PGCKA1: variants seen among roughly 807,000 people sequenced by gnomAD.
PGCKA1 encodes PDCD10 and GCKIII kinases associated 1.
At chr4:37,565,258 G>A in the PGCKA1 span, among the ~76,000 whole-genome samples, 4 of 152,270 alleles carry the variant, frequency 2.6e-5, no homozygotes, top group Middle Eastern at 3.4e-3. Context: ...GATATTCTGA[G>A]TTAATTTTAT....
chr4:37,566,467 G>C, the PGCKA1 span, among the ~76,000 whole-genome samples: 2 of 152,058 alleles, frequency 1.3e-5, no homozygotes, highest in African/African-American at 4.8e-5. Context: ...TTTCAGAAGA[G>C]ATAAGGTTTC....
the PGCKA1 span, among the ~76,000 whole-genome samples, chr4:37,460,098 G>A: frequency 6.6e-6 from 1 of 151,988 alleles, no homozygotes; most frequent in Admixed American, 6.6e-5. Context: ...TTGGTTTTCT[G>A]CTCCTGTGTT....
the PGCKA1 span, among the ~76,000 whole-genome samples, chr4:37,463,133 A>G: frequency 6.6e-6 from 1 of 152,242 alleles, no homozygotes; most frequent in South Asian, 2.1e-4. Context: ...GCTGGGACCC[A>G]TGTCTATAAC....
the PGCKA1 span, among the ~76,000 whole-genome samples, chr4:37,572,063 CTTT>C: frequency 1.1e-5 from 1 of 89,972 alleles, no homozygotes. Flanking sequence ...TTTTTTTTTT[CTTT>C]TTTTTTTTTT....
At chr4:37,458,195 A>G in the PGCKA1 span, among the ~76,000 whole-genome samples, 2 of 152,106 alleles carry the variant, frequency 1.3e-5, no homozygotes, top group African/African-American at 4.8e-5. Context: ...CATTGGAAAA[A>G]CTGCTGGGAC....
At chr4:37,546,311 G>A in the PGCKA1 span, among the ~76,000 whole-genome samples, 4 of 152,152 alleles carry the variant, frequency 2.6e-5, no homozygotes, top group African/African-American at 9.7e-5. Flanking sequence ...CTAAAACCAG[G>A]ACTGGGCCTG....
At chr4:37,494,158 G>A in the PGCKA1 span, among the ~76,000 whole-genome samples, 1 of 152,100 alleles carries the variant, frequency 6.6e-6, no homozygotes, top group African/African-American at 2.4e-5. Flanking sequence ...TTTATTTTAA[G>A]TACATGTAGA....
At chr4:37,572,945 C>CAA in the PGCKA1 span, among the ~76,000 whole-genome samples, 1 of 152,162 alleles carries the variant, frequency 6.6e-6, no homozygotes, top group Non-Finnish European at 1.5e-5. Context: ...TTCCTAAAAA[C>CAA]AAGGGCATTC....
the PGCKA1 span, among the ~76,000 whole-genome samples, chr4:37,549,961 C>T: frequency 6.6e-6 from 1 of 152,154 alleles, no homozygotes; most frequent in African/African-American, 2.4e-5. Context: ...GTAAGGACTT[C>T]AACTGACCTT....
chr4:37,567,620 T>C, the PGCKA1 span, among the ~76,000 whole-genome samples: 1 of 152,112 alleles, frequency 6.6e-6, no homozygotes, highest in Admixed American at 6.5e-5. Context: ...TGAATGTTCG[T>C]CTAAATGCCA....
the PGCKA1 span, among the ~76,000 whole-genome samples, chr4:37,479,923 A>G: frequency 6.6e-6 from 1 of 152,266 alleles, no homozygotes; most frequent in African/African-American, 2.4e-5. Context: ...TTTGCAGTAG[A>G]CTAAGCAAGA....
At chr4:37,463,338 C>T in the PGCKA1 span, among the ~76,000 whole-genome samples, 1 of 152,156 alleles carries the variant, frequency 6.6e-6, no homozygotes, top group Non-Finnish European at 1.5e-5. Flanking sequence ...TAGTCATTTC[C>T]AAAGAGAATA....
At chr4:37,527,751 A>G in the PGCKA1 span, among the ~76,000 whole-genome samples, 70 of 151,440 alleles carry the variant, frequency 4.6e-4, no homozygotes, top group Admixed American at 1.6e-3. Context: ...AATGGCAGGA[A>G]CCCAGGAGGC....
the PGCKA1 span, among the ~76,000 whole-genome samples, chr4:37,529,782 A>G: frequency 6.6e-6 from 1 of 152,142 alleles, no homozygotes; most frequent in Non-Finnish European, 1.5e-5. Flanking sequence ...GTTGATTTAA[A>G]AGGATGGAAG....
At chr4:37,571,840 C>A in the PGCKA1 span, among the ~76,000 whole-genome samples, 1 of 152,008 alleles carries the variant, frequency 6.6e-6, no homozygotes, top group Non-Finnish European at 1.5e-5. Flanking sequence ...CCATGTTGGC[C>A]AGACTGGTCT....
the PGCKA1 span, among the ~76,000 whole-genome samples, chr4:37,557,636 G>C: frequency 6.6e-6 from 1 of 152,202 alleles, no homozygotes; most frequent in South Asian, 2.1e-4. Flanking sequence ...ACTGGGGATT[G>C]GTTTCAACAT....
At chr4:37,584,054 T>G in the PGCKA1 span, among the ~76,000 whole-genome samples, 1 of 152,232 alleles carries the variant, frequency 6.6e-6, no homozygotes, top group East Asian at 1.9e-4. Flanking sequence ...ATTTCCTTGT[T>G]GCCCCTGGGC....
the PGCKA1 span, among the ~76,000 whole-genome samples, chr4:37,528,123 A>G: frequency 2.0e-5 from 3 of 152,196 alleles, no homozygotes; most frequent in Non-Finnish European, 2.9e-5. Context: ...GAATTTAATT[A>G]TTTCGAGCAC....
the PGCKA1 span, among the ~76,000 whole-genome samples, chr4:37,542,917 G>A: frequency 6.6e-6 from 1 of 152,116 alleles, no homozygotes; most frequent in Non-Finnish European, 1.5e-5. Context: ...CTAGCATATG[G>A]TCTGGCCCGC....
Sources: gnomAD v4.1 joint callset for allele counts (sites outside exome capture counted in the v4.1 genomes callset) on GRCh38, gnomAD v4.1.1 for gene constraint, MANE v1.5 for transcripts, NCBI Gene and HGNC (gene_info 2026-07-23, HGNC 2026-07-21) for gene names.